Variants in ANK1 observed in about 807,000 individuals in gnomAD.
The protein encoded by ANK1 is ankyrin-1.
ANK1 carries 51 observed loss-of-function variants against 210.4 expected under a neutral mutation model. The observed-to-expected ratio is 0.24, with a 90% CI of 0.19 to 0.31. The LOEUF (loss-of-function observed/expected upper bound fraction) is 0.31, where lower values mean the gene tolerates loss of function less well. Among genes scored for constraint, ANK1 ranks in the 10% least tolerant of loss-of-function variants. ANK1 has a pLI of 1.00. For missense variants in ANK1, 2,051 were observed against 2,504.4 expected (o/e 0.82, Z 3.86); for synonymous variants, 967 against 1,025.9 (o/e 0.94, Z 1.10).
chr8:41,665,516 C>CA (rs1810208266), intron 39 of ANK1: 1 of 338,016 alleles, frequency 3.0e-6, no homozygotes, highest in Middle Eastern at 1.1e-3. Context: ...GAGTTCTGCC[C>CA]AGGGAAAGTT....
chr8:41,857,136 T>TC (rs1397275720), intron 1 of ANK1, among the ~76,000 whole-genome samples: 1 of 150,984 alleles, frequency 6.6e-6, no homozygotes, highest in Non-Finnish European at 1.5e-5. Context: ...GGCCTCAGCC[T>TC]CCTAAAGTGC....
Position 41,792,788 on chromosome 8 carries a change from G to A in ANK1, c.27+4724C>T, listed in dbSNP as rs142044884. On this transcript the variant is annotated intron_variant, in intron 1 of 42. Transcript: ENST00000289734. ...GCAGAGTATCTAAAAAGTCATCCAC[G>A]CAAACCCTAGAGCAATAATTTTCAA... 1.6e-3 allele frequency among the ~76,000 whole-genome samples: 246 copies of A among 152,270 alleles called. 2 individuals are homozygous for A. The highest frequency in any genetic ancestry group is 5.5e-3 in the African/African-American group (227 of 41,552).
intron 1 of ANK1, among the ~76,000 whole-genome samples, chr8:41,796,744 G>A (rs1347109589): frequency 6.6e-6 from 1 of 151,308 alleles, no homozygotes; most frequent in Non-Finnish European, 1.5e-5. Context: ...TCCAACTCTG[G>A]GCTCTGAATC....
At chr8:41,755,592 C>T (rs1225846710) in intron 2 of ANK1, among the ~76,000 whole-genome samples, 3 of 152,198 alleles carry the variant, frequency 2.0e-5, no homozygotes, top group Non-Finnish European at 4.4e-5. Flanking sequence ...AGCGAGCAAC[C>T]CACCCTGCCT....
At chr8:41,877,088 G>A (rs1204099430) in intron 1 of ANK1, among the ~76,000 whole-genome samples, 2 of 152,206 alleles carry the variant, frequency 1.3e-5, no homozygotes, top group Non-Finnish European at 2.9e-5. Context: ...GAGGCTGGCA[G>A]TTCAAGACCA....
At chr8:41,896,322 G>A in intron 1 of ANK1, 1 of 1,577,700 alleles carries the variant, frequency 6.3e-7, no homozygotes, top group Non-Finnish European at 8.6e-7. Flanking sequence ...CAGGTGCCGC[G>A]GTCGCTGGGC....
Position 41,795,069 on chromosome 8 carries a change from T to C in ANK1, c.27+2443A>G, listed in dbSNP as rs76437910. On this transcript the variant is annotated intron_variant, in intron 1 of 42. Transcript: ENST00000289734. ...GTCACTTCACCTTTAGAAAACACTC[T>C]TATTTTCTCTGTTCATTTTGGCAAC... 1.0e-3 allele frequency among the ~76,000 whole-genome samples: 153 copies of C among 152,362 alleles called. 2 individuals carry two copies. In the East Asian group the frequency reaches 0.028, roughly 28 times the overall value.
At chr8:41,692,061 T>A (rs539948050) in intron 31 of ANK1, among the ~76,000 whole-genome samples, 70 of 126,046 alleles carry the variant, frequency 5.6e-4, no homozygotes, top group African/African-American at 1.4e-3. Flanking sequence ...GGCTAGCACT[T>A]TTTTTTTTTT....
rs985731973 is a variant in ANK1, at chr8:41,795,004, G to A, written c.27+2508C>T. On this transcript the variant is annotated intron_variant, in intron 1 of 42. Transcript: ENST00000289734. ...CCGGCGTGAGCCACCGTGCCTGGCCGTAAAGGTTGTTAAACAGACCTGGAG... is the reference window on the plus strand; with the variant it reads ...CCGGCGTGAGCCACCGTGCCTGGCCATAAAGGTTGTTAAACAGACCTGGAG... 4.6e-5 allele frequency among the ~76,000 whole-genome samples: 7 copies of A among 152,104 alleles called. No individual in the cohort carries two copies. The East Asian group carries it at 7.7e-4, about 17-fold the overall frequency.
intron 1 of ANK1, among the ~76,000 whole-genome samples, chr8:41,786,372 GC>G (rs1311094510): frequency 6.6e-6 from 1 of 152,214 alleles, no homozygotes; most frequent in Non-Finnish European, 1.5e-5. Context: ...CAGTCATAAT[GC>G]CCCTGAGGAG....
Position 41,725,936 on chromosome 8 carries a change from G to A in ANK1, c.437C>T (p.Thr146Met). 6.2e-7 allele frequency: 1 copy of A among 1,613,482 alleles called. No individual in the cohort carries two copies. Among genetic ancestry groups the A allele is most frequent in the Non-Finnish European group, 8.5e-7 (1 of 1,179,936 alleles). Residue 146 changes from threonine to methionine, a missense_variant, in exon 6 of 43, where the codon ACG becomes ATG. By Grantham distance (81) the Thr-to-Met change is moderately conservative. Around this residue, in one of 6 missense-constraint regions of ANK1, gnomAD observed 10 missense variants for 36.2 expected, o/e 0.28. Coordinates refer to ENST00000289734, the MANE Select transcript of ANK1 (RefSeq NM_000037.4). ...NQNVATEDGF[T>M]PLAVALQQGH... ...CTGCTGCAGGGCTACCGCCAGAGGC[G>A]TGAAGCCGTCCTGGCCAGAGGAGGA...
intron 1 of ANK1, among the ~76,000 whole-genome samples, chr8:41,849,961 T>C (rs1810911321): frequency 6.6e-6 from 1 of 152,144 alleles, no homozygotes; most frequent in African/African-American, 2.4e-5. Flanking sequence ...CAAACCTTTA[T>C]GGCCTTCCTC....
At chr8:41,821,764 T>C (rs1392436284) in intron 1 of ANK1, among the ~76,000 whole-genome samples, 2 of 152,222 alleles carry the variant, frequency 1.3e-5, no homozygotes, top group East Asian at 3.9e-4. Flanking sequence ...AAGTGAGACA[T>C]TGGCCAGGCG....
At chr8:41,748,711 C>T (rs1836801584) in intron 2 of ANK1, among the ~76,000 whole-genome samples, 1 of 152,218 alleles carries the variant, frequency 6.6e-6, no homozygotes. Flanking sequence ...GACTGGCTGG[C>T]TCTTGGAACA....
chr8:41,819,299 T>C (rs1266090909), intron 1 of ANK1, among the ~76,000 whole-genome samples: 1 of 152,230 alleles, frequency 6.6e-6, no homozygotes, highest in East Asian at 1.9e-4. Context: ...CTGTCGAGAC[T>C]GTAACACTAG....
intron 1 of ANK1, among the ~76,000 whole-genome samples, chr8:41,865,035 C>G (rs1197689792): frequency 6.6e-6 from 1 of 152,182 alleles, no homozygotes; most frequent in Admixed American, 6.5e-5. Flanking sequence ...AGGGGATCAC[C>G]CCCATTCCTA....
chr8:41,730,711 A>G (rs1831986149), intron 3 of ANK1, among the ~76,000 whole-genome samples: 1 of 152,242 alleles, frequency 6.6e-6, no homozygotes, highest in South Asian at 2.1e-4. Context: ...CAAATGGAGC[A>G]GCACTGCTGG....
At chr8:41,784,187 G>T (rs926171161) in intron 1 of ANK1, among the ~76,000 whole-genome samples, 1 of 152,060 alleles carries the variant, frequency 6.6e-6, no homozygotes, top group African/African-American at 2.4e-5. Flanking sequence ...GGAAAGGATG[G>T]TTATTTTCAC....
At chr8:41,852,331 G>T (rs555099676) in intron 1 of ANK1, among the ~76,000 whole-genome samples, 1 of 152,230 alleles carries the variant, frequency 6.6e-6, no homozygotes, top group African/African-American at 2.4e-5. Context: ...AGCTTCAGGG[G>T]AACATGCGGG....
Sources: gnomAD v4.1 joint callset for allele counts (sites outside exome capture counted in the v4.1 genomes callset) on GRCh38, gnomAD v4.1.1 for gene constraint, gnomAD v4.1.1 regional missense constraint, MANE v1.5 for transcripts, NCBI Gene and HGNC (gene_info 2026-07-23, HGNC 2026-07-21) for gene names.